Variants in NFYC observed in about 807,000 individuals in gnomAD.
NFYC encodes CAAT box DNA-binding protein subunit C.
Under a neutral mutation model 53.1 loss-of-function variants are expected in NFYC, and 25 were observed. The observed-to-expected ratio is 0.47, with a 90% confidence interval of 0.34 to 0.66. The LOEUF is 0.66. Ranked by LOEUF, NFYC falls within the 30% of genes least tolerant of loss-of-function variation. NFYC has a pLI of 0.01. For missense variants in NFYC, 260 were observed against 422.7 expected, an observed-to-expected ratio of 0.62 and a Z score of 3.38; for synonymous variants, 145 against 152.6, an observed-to-expected ratio of 0.95 and a Z score of 0.37.
At chr1:40,694,482 G>A (rs748238195) in intron 1 of NFYC, among the ~76,000 whole-genome samples, 3 of 152,214 alleles carry the variant, frequency 2.0e-5, no homozygotes, top group African/African-American at 4.8e-5. Flanking sequence ...TAGAGGCAAA[G>A]CTACAAGTGA....
intron 5 of NFYC, chr1:40,757,815 C>T: frequency 2.1e-6 from 1 of 477,254 alleles, no homozygotes; most frequent in East Asian, 4.2e-5. Flanking sequence ...CTGACAAGCA[C>T]TGCTGGTGTG....
At position 40,763,018 on chromosome 1, in the gene NFYC, C is replaced by G; in HGVS notation, c.692C>G (p.Thr231Ser). Residue 231 changes from threonine (T) to serine (S), a missense_variant, in exon 7 of 10, where the codon ACT becomes AGT. Physicochemically the swap from Thr to Ser is moderately conservative, Grantham distance 58. Transcript: ENST00000447388. Reference protein sequence around the residue: ...QTMQVMQQIITNTGEIQQIPV... With the variant: ...QTMQVMQQIISNTGEIQQIPV... ...ATGCAGGTGATGCAGCAGATCATCA[C>G]TAACACAGGAGAGATCCAGCAGATC... 1 of 1,609,578 alleles carries G rather than the reference C, an allele frequency of 6.2e-7. No homozygotes were observed. Among genetic ancestry groups the G allele is most frequent in the Non-Finnish European group, 8.5e-7 (1 of 1,177,380 alleles).
At chr1:40,693,365 T>C (rs1314853561) in intron 1 of NFYC, among the ~76,000 whole-genome samples, 3 of 152,224 alleles carry the variant, frequency 2.0e-5, no homozygotes, top group African/African-American at 7.2e-5. Flanking sequence ...GTGAGGGCCA[T>C]GGAAACACAT....
chr1:40,762,873 A>G lies in NFYC; in HGVS notation c.562-15A>G, dbSNP rs781496834. 7 of 1,566,196 alleles carry G rather than the reference A, an allele frequency of 4.5e-6. No homozygotes were observed. Among genetic ancestry groups the G allele is most frequent in the Non-Finnish European group, 1.7e-6 (2 of 1,152,284 alleles). ...GCCTGAACTCACGCAGCATTCTCAT[A>G]ACTCTTCCTTTCAGACCACACCTGT... On this transcript the variant is annotated splice_polypyrimidine_tract_variant and intron_variant, in intron 6 of 9. Coordinates refer to ENST00000447388, the MANE Select transcript of NFYC (RefSeq NM_014223.5).
At chr1:40,729,693 T>G (rs1002405455) in intron 1 of NFYC, among the ~76,000 whole-genome samples, 3 of 151,858 alleles carry the variant, frequency 2.0e-5, no homozygotes, top group Non-Finnish European at 4.4e-5. Flanking sequence ...TTTTTTTTTT[T>G]GAACCGGAGT....
At chr1:40,692,198 G>T (rs896431187) in intron 1 of NFYC, 3 of 167,432 alleles carry the variant, frequency 1.8e-5, no homozygotes, top group South Asian at 1.9e-4. Flanking sequence ...TCCGGTCTAG[G>T]GGGTGATGAA....
intron 1 of NFYC, among the ~76,000 whole-genome samples, chr1:40,731,468 T>C (rs1015952191): frequency 8.0e-5 from 12 of 150,490 alleles, no homozygotes; most frequent in Admixed American, 5.3e-4. Context: ...CCACCGCACC[T>C]GGCCTTTCTT....
rs755748589 is a variant in NFYC, at chr1:40,758,246, C to A, written c.513C>A (p.Thr171=). Residue 171 remains threonine, a synonymous_variant, in exon 6 of 10, where the codon ACC becomes ACA. Transcript: ENST00000447388. ...QQGQQTTSST[T]TIQPGQIIIA... is the part of the protein sequence containing the mutation. The stretch of plus-strand genomic sequence containing the variant: ...GCCAGCAGACCACCAGCTCCACGAC[C>A]ACCATCCAGCCTGGGCAGATCATCA... The A allele has an allele frequency of 1.2e-6, 2 of 1,613,670 alleles. No individual in the cohort carries two copies. The highest frequency in any genetic ancestry group is 1.7e-6 in the Non-Finnish European group (2 of 1,180,008).
rs759235583 is a variant in NFYC at position 40,753,241 on chromosome 1, C to T, written c.382C>T (p.Arg128Cys). 6.2e-7 allele frequency: 1 copy of T among 1,612,622 alleles called. No individual in the cohort carries two copies. Among genetic ancestry groups the T allele is most frequent in the South Asian group, 1.1e-5 (1 of 91,042 alleles). ...AAGAGATGAACTGAAACCTCCAAAGCGTCAGGTGAGCTGTGAAGGGATTGC... is the reference window on the plus strand; with the variant it reads ...AAGAGATGAACTGAAACCTCCAAAGTGTCAGGTGAGCTGTGAAGGGATTGC... The part of the protein sequence containing the change: ...VPRDELKPPK[R>C]QEEVRQSVTP... The change falls in exon 5 of 10, where the codon CGT becomes TGT. Residue 128 changes from arginine to cysteine, a missense_variant. By Grantham distance (180) the Arg-to-Cys change is radical. Coordinates refer to ENST00000447388, the MANE Select transcript of NFYC (RefSeq NM_014223.5).
chr1:40,716,756 A>G (rs1644150809), intron 1 of NFYC, among the ~76,000 whole-genome samples: 1 of 152,194 alleles, frequency 6.6e-6, no homozygotes, highest in South Asian at 2.1e-4. Flanking sequence ...CATCGTTTTT[A>G]TTACATGGAG....
chr1:40,753,800 A>G (rs1646048680), intron 5 of NFYC, among the ~76,000 whole-genome samples: 1 of 152,178 alleles, frequency 6.6e-6, no homozygotes, highest in Non-Finnish European at 1.5e-5. Context: ...AGTACCTTTT[A>G]AAACTCCCTG....
chr1:40,712,366 G>A (rs1158059607), intron 1 of NFYC: 1 of 152,084 alleles, frequency 6.6e-6, no homozygotes, highest in Non-Finnish European at 1.5e-5. Context: ...AGGATGAAAT[G>A]GGTATGCTGA....
intron 7 of NFYC, 29 bp from the exon 8 acceptor site, chr1:40,766,567 T>A (rs776488405): frequency 1.3e-6 from 2 of 1,540,868 alleles, no homozygotes; most frequent in African/African-American, 1.4e-5. Flanking sequence ...CAATGTCTTA[T>A]GGTCTCTTTG....
At position 40,740,260 on chromosome 1, in the gene NFYC, T is replaced by C. The variant is rs144520279; in HGVS notation, c.105+1312T>C. ...TGACCTTTAACTTCTGACGTTACAA[T>C]GTCAGTTTATTCATTCACTCAACAA... On this transcript the variant is annotated intron_variant, in intron 2 of 9. Transcript: ENST00000447388. 1.0e-3 allele frequency among the ~76,000 whole-genome samples: 155 copies of C among 152,294 alleles called. 2 individuals carry two copies. In the East Asian group the frequency reaches 0.028, roughly 27 times the overall value.
At chr1:40,695,397 C>G (rs1318444380) in intron 1 of NFYC, among the ~76,000 whole-genome samples, 1 of 152,084 alleles carries the variant, frequency 6.6e-6, no homozygotes, top group Non-Finnish European at 1.5e-5. Flanking sequence ...TGCTATGGAG[C>G]TATGCTGGGA....
chr1:40,702,875 G>A (rs1643506815), intron 1 of NFYC, among the ~76,000 whole-genome samples: 1 of 152,012 alleles, frequency 6.6e-6, no homozygotes, highest in African/African-American at 2.4e-5. Flanking sequence ...GGAGTGCAGT[G>A]GCATGATCTC....
chr1:40,698,515 CT>C (rs1226764719), intron 1 of NFYC, among the ~76,000 whole-genome samples: 4 of 151,640 alleles, frequency 2.6e-5, no homozygotes, highest in African/African-American at 4.8e-5. Flanking sequence ...CAACCTCTGC[CT>C]TTTGGGTTCA....
chr1:40,738,123 C>T (rs113075273), intron 1 of NFYC, among the ~76,000 whole-genome samples: 7,770 of 151,922 alleles, frequency 0.051, 332 homozygotes, highest in African/African-American at 0.11. Context: ...AGGATGGTCT[C>T]GATCTCCTGA....
intron 1 of NFYC, among the ~76,000 whole-genome samples, chr1:40,722,644 C>T (rs1274907490): frequency 6.6e-6 from 1 of 152,144 alleles, no homozygotes; most frequent in Non-Finnish European, 1.5e-5. Context: ...TTGAGGCCTT[C>T]TAACATGTGT....
Sources: gnomAD v4.1 joint callset for allele counts (sites outside exome capture counted in the v4.1 genomes callset) on GRCh38, gnomAD v4.1.1 for gene constraint, MANE v1.5 for transcripts, NCBI Gene and HGNC (gene_info 2026-07-23, HGNC 2026-07-21) for gene names.